The following ADAMTSL5 variants were observed in gnomAD, a reference collection of about 807,000 sequenced individuals.
ADAMTSL5 encodes the protein ADAMTS like 5.
A neutral mutation model predicts 51.7 loss-of-function variants in ADAMTSL5; 53 were observed. The ratio of observed to expected loss-of-function variants is 1.03; its 90% CI spans 0.82 to 1.29. The LOEUF is 1.29. Ranked by LOEUF, ADAMTSL5 falls within the 50% of genes most tolerant of loss-of-function variation. ADAMTSL5 has a pLI of 0.00. For missense variants in ADAMTSL5, 770 were observed against 676.2 expected, an observed-to-expected ratio of 1.14 and a Z score of -1.54; for synonymous variants, 285 against 278.7, an observed-to-expected ratio of 1.02 and a Z score of -0.23.
Position 1,506,368 on chromosome 19 carries a change from C to G in ADAMTSL5, c.1115-52G>C, listed in dbSNP as rs1263002165. The G allele has an allele frequency of 6.5e-7, 1 of 1,530,652 alleles. No individual in the cohort carries two copies. The highest frequency in any genetic ancestry group is 2.3e-5 in the East Asian group (1 of 43,362). The allele number at this position is 1,530,652 out of a possible 1,614,324, so 94.8% of individuals were successfully genotyped here. A position where few individuals can be genotyped will look rare whatever the true frequency, so the allele number is the denominator to read the frequency against. On this transcript the variant is annotated intron_variant, in intron 11 of 11. Coordinates refer to ENST00000330475, the MANE Select transcript of ADAMTSL5 (RefSeq NM_213604.3). This position sits in a 1 kb window ranked among gnomAD's most constrained non-coding sequence, Gnocchi z 5.6. Reference sequence around the variant, plus strand: ...TGGCTGCTCAACTCTGCGCAAATCTCTACGCCCCCTCCCTTGCCAGAAGAG... The same window carrying G: ...TGGCTGCTCAACTCTGCGCAAATCTGTACGCCCCCTCCCTTGCCAGAAGAG...
intron 5 of ADAMTSL5, among the ~76,000 whole-genome samples, chr19:1,509,844 C>T (rs1913165928): frequency 6.6e-6 from 1 of 152,108 alleles, no homozygotes; most frequent in South Asian, 2.1e-4. Flanking sequence ...ATATAACTCG[C>T]TATTTTCAGC....
chr19:1,509,476 CCTTCTCCAGCTCCTT>C (rs1913138100), intron 5 of ADAMTSL5, among the ~76,000 whole-genome samples: 1 of 152,104 alleles, frequency 6.6e-6, no homozygotes, highest in South Asian at 2.1e-4. Context: ...CTCCACTCCT[CCTTCTCCAGCTCCTT>C]CTGGCTCCCA....
Position 1,508,088 on chromosome 19 carries a change from A to G in ADAMTSL5, c.511T>C (p.Leu171=). ...CGGTCCTCGAGGGCACCCGAGCCCA[A>G]CAACCCATCACAGCCGGCGCTCTAA... is the stretch of plus-strand genomic sequence containing the variant. ...RCLSAGCDGL[L]GSGALEDRCG... is the part of the protein sequence containing the mutation. Residue 171 remains leucine, a synonymous_variant, in exon 7 of 12, where the codon TTG becomes CTG. Transcript: ENST00000330475. 1 of 1,610,132 alleles carries G rather than the reference A, an allele frequency of 6.2e-7. No individual in the cohort carries two copies.
intron 1 of ADAMTSL5, chr19:1,511,864 G>A (rs1267438255): frequency 6.5e-6 from 2 of 309,566 alleles, no homozygotes; most frequent in Non-Finnish European, 1.3e-5. Flanking sequence ...GGACAGGGAG[G>A]GGGTGACCTG....
chr19:1,508,311 G>T, intron 6 of ADAMTSL5, 132 bp downstream of exon 6: 1 of 1,285,596 alleles, frequency 7.8e-7, no homozygotes, highest in Non-Finnish European at 1.0e-6. Context: ...GGGCCTGGAA[G>T]GGGAGGGGGA....
At position 1,506,076 on chromosome 19, in the gene ADAMTSL5, C is replaced by T. The variant is rs200991237; in HGVS notation, c.1355G>A (p.Arg452Gln). Reference protein sequence around the residue: ...QLLLPHAGYARPWSPAEDSRI... With the variant: ...QLLLPHAGYAQPWSPAEDSRI... ...GCTGTCCTCCGCAGGGCTCCAGGGC[C>T]GGGCGTAGCCGGCGTGGGGCAGCAG... The change falls in exon 12 of 12, where the codon CGG (arginine) becomes CAG (glutamine). Residue 452 changes from arginine to glutamine, a missense_variant. Physicochemically the swap from Arg to Gln is conservative, Grantham distance 43. Transcript: ENST00000330475. This position sits in a 1 kb window ranked among gnomAD's most constrained non-coding sequence, Gnocchi z 5.6. 103 of 1,597,326 alleles carry T rather than the reference C, an allele frequency of 6.4e-5. No homozygotes were observed. Among genetic ancestry groups the T allele is most frequent in the Admixed American group, 3.1e-4 (18 of 58,496 alleles).
chr19:1,510,279 G>C (rs1163862203), intron 4 of ADAMTSL5, 21 bp from the exon 5 acceptor site: 4 of 1,612,990 alleles, frequency 2.5e-6, no homozygotes, highest in Non-Finnish European at 1.7e-6. Context: ...AGATAGGTGA[G>C]CCAGAGGCTG....
intron 5 of ADAMTSL5, chr19:1,508,776 G>GCTGC: frequency 1.9e-6 from 1 of 525,548 alleles, no homozygotes. Context: ...GTATCCTGGG[G>GCTGC]CTGCATTCAT....
intron 1 of ADAMTSL5, among the ~76,000 whole-genome samples, chr19:1,512,103 G>C (rs2145518324): frequency 6.6e-6 from 1 of 152,196 alleles, no homozygotes; most frequent in South Asian, 2.1e-4. Flanking sequence ...GAGGGGGGAA[G>C]GGAAGCAGCC....
intron 8 of ADAMTSL5, 57 bp downstream of exon 8, chr19:1,507,500 G>A: frequency 6.2e-7 from 1 of 1,612,262 alleles, no homozygotes; most frequent in Non-Finnish European, 8.5e-7. Context: ...TCTGTAAACA[G>A]GGACAACCGC....
rs765061138 is a variant in ADAMTSL5 at position 1,506,039 on chromosome 19, C to G, written c.1392G>C (p.Leu464=). ...CTCAGCCAGGACAGCGCCGGGCAGT[C>G]AGGCGTATGCGGCTGTCCTCCGCAG... ...WSPAEDSRIR[L]TARRCPG is the part of the protein sequence containing the mutation. The change falls in exon 12 of 12, where the codon CTG becomes CTC. Residue 464 remains leucine (L), a synonymous_variant. Coordinates refer to ENST00000330475, the MANE Select transcript of ADAMTSL5 (RefSeq NM_213604.3). This position sits in a 1 kb window ranked among gnomAD's most constrained non-coding sequence, Gnocchi z 5.6. 1.2e-5 allele frequency: 19 copies of G among 1,582,266 alleles called. No individual in the cohort carries two copies. The highest frequency in any genetic ancestry group is 3.5e-5 in the Admixed American group (2 of 57,166).
chr19:1,509,523 G>C (rs1913140140), intron 5 of ADAMTSL5, among the ~76,000 whole-genome samples: 1 of 151,886 alleles, frequency 6.6e-6, no homozygotes, highest in East Asian at 1.9e-4. Context: ...CTGGCTGGTG[G>C]ACCCTGCCTG....
rs777021374 is a variant in ADAMTSL5 at position 1,506,733 on chromosome 19, C to A, written c.1042+6G>T. 1.5e-5 allele frequency: 23 copies of A among 1,557,162 alleles called. No homozygotes were observed. The African/African-American group carries it at 2.8e-4, about 19-fold the overall frequency. On this transcript the variant is annotated splice_donor_region_variant and intron_variant, in intron 10 of 11. Coordinates refer to ENST00000330475, the MANE Select transcript of ADAMTSL5 (RefSeq NM_213604.3). The surrounding 1 kb of genome is among the most constrained non-coding windows in gnomAD (Gnocchi z 5.6). ...TCATCCCCCACCCTGGCTGTCCCCA[C>A]CTCACCTGGGGCCAGCGTTGGGGTC...
Position 1,510,168 on chromosome 19 carries a change from A to G in ADAMTSL5, c.343T>C (p.Trp115Arg). The G allele has an allele frequency of 1.9e-6, 3 of 1,612,078 alleles. No individual in the cohort carries two copies. The highest frequency in any genetic ancestry group is 2.5e-6 in the Non-Finnish European group (3 of 1,179,588). ...TACTCACCCCCATGGAAGGGCACCCACTGGTAGGTCTTCTGGGTGCCCAGG... is the reference window on the plus strand; with the variant it reads ...TACTCACCCCCATGGAAGGGCACCCGCTGGTAGGTCTTCTGGGTGCCCAGG... Reference protein sequence around the residue: ...PVLGTQKTYQWVPFHGAPNQC... With the variant: ...PVLGTQKTYQRVPFHGAPNQC... Residue 115 changes from tryptophan to arginine, a missense_variant, in exon 5 of 12, where the codon TGG becomes CGG. Trp to Arg is a moderately radical substitution (Grantham distance 101). Coordinates refer to ENST00000330475, the MANE Select transcript of ADAMTSL5 (RefSeq NM_213604.3).
intron 3 of ADAMTSL5, 65 bp from the exon 4 acceptor site, chr19:1,510,493 TCCGCCCCCG>T (rs1913203842): frequency 1.3e-6 from 2 of 1,528,652 alleles, no homozygotes; most frequent in African/African-American, 1.4e-5. Flanking sequence ...CCTTCCACCC[TCCGCCCCCG>T]CCAACCCCAC....
chr19:1,512,387 C>T (rs905943094), intron 1 of ADAMTSL5, among the ~76,000 whole-genome samples: 1 of 152,146 alleles, frequency 6.6e-6, no homozygotes, highest in East Asian at 1.9e-4. Flanking sequence ...AAACTTAAAA[C>T]AAGGGGAGGG....
chr19:1,511,201 G>A (rs888188954), intron 1 of ADAMTSL5, 41 bp from the exon 2 acceptor site: 8 of 232,268 alleles, frequency 3.4e-5, no homozygotes, highest in African/African-American at 1.7e-4. Flanking sequence ...TTTTTGAGAC[G>A]GAGTCTCGCT....
chr19:1,505,890 T>C lies in ADAMTSL5; in HGVS notation c.*125A>G. On this transcript the variant is annotated 3_prime_UTR_variant, in exon 12 of 12. Coordinates refer to ENST00000330475, the MANE Select transcript of ADAMTSL5 (RefSeq NM_213604.3). ...TAAGCGTGTGTGGGAGGGAGTCACA[T>C]AGCTGCACAGGTGGGACGTATTTCA... 8.0e-7 allele frequency: 1 copy of C among 1,246,406 alleles called. No individual in the cohort carries two copies. Among genetic ancestry groups the C allele is most frequent in the Non-Finnish European group, 1.1e-6 (1 of 932,856 alleles). 77.2% of individuals were successfully genotyped at this position (1,246,406 alleles called of 1,614,324 possible).
Position 1,506,455 on chromosome 19 carries a change from A to G in ADAMTSL5, c.1114+135T>C. ...GACTAGAGTCAGGATCACGTCAGGG[A>G]TCAATGAGGGATTAGGGTCAAGAGG... is the stretch of plus-strand genomic sequence containing the variant. On this transcript the variant is annotated intron_variant, in intron 11 of 11. Transcript: ENST00000330475. The surrounding 1 kb of genome is among the most constrained non-coding windows in gnomAD (Gnocchi z 5.6). The G allele has an allele frequency of 4.1e-6, 6 of 1,448,580 alleles. No individual in the cohort carries two copies. The highest frequency in any genetic ancestry group is 3.8e-6 in the Non-Finnish European group (4 of 1,055,096). The allele number at this position is 1,448,580 out of a possible 1,614,324, so 89.7% of individuals were successfully genotyped here.
Sources: allele counts gnomAD v4.1 joint callset (sites outside exome capture counted in the v4.1 genomes callset), GRCh38; gene constraint gnomAD v4.1.1; non-coding constraint Gnocchi (gnomAD v3.1); transcripts MANE v1.5; gene names NCBI Gene and HGNC (gene_info 2026-07-23, HGNC 2026-07-21).